Variants in UGDH observed in about 807,000 individuals in gnomAD.
UGDH encodes the protein UDP-glucose 6-dehydrogenase, also known as UDP-Glc dehydrogenase.
UGDH carries 38 observed loss-of-function variants against 50.6 expected under a neutral mutation model. The observed-to-expected ratio is 0.75, with a 90% CI of 0.58 to 0.98. The LOEUF (loss-of-function observed/expected upper bound fraction) is 0.98. UGDH is among the 50% of genes least tolerant of loss of function. The pLI, the probability that UGDH is intolerant of heterozygous loss-of-function variation, is 0.00. For missense variants in UGDH, 465 were observed against 606.2 expected, an observed-to-expected ratio of 0.77 and a Z score of 2.45; for synonymous variants, 168 against 199.9, an observed-to-expected ratio of 0.84 and a Z score of 1.35.
chr4:39,515,815 G>A (rs372104521), intron 2 of UGDH, among the ~76,000 whole-genome samples: 10 of 151,974 alleles, frequency 6.6e-5, no homozygotes, highest in East Asian at 1.9e-4. Flanking sequence ...TTCTCGTGCC[G>A]CAAACTCCCA....
At chr4:39,514,285 G>A in intron 2 of UGDH, 101 bp from the exon 3 acceptor site, 1 of 960,110 alleles carries the variant, frequency 1.0e-6, no homozygotes, top group Non-Finnish European at 1.6e-6. Context: ...TGGTAATATT[G>A]TAATTTAAAG....
rs1373738864 is a variant in UGDH at position 39,500,183 on chromosome 4, A to C, written c.1445T>G (p.Phe482Cys). 1 of 1,605,474 alleles carries C rather than the reference A, an allele frequency of 6.2e-7. No homozygotes were observed. Among genetic ancestry groups the C allele is most frequent in the Non-Finnish European group, 8.5e-7 (1 of 1,175,172 alleles). ...CTTGTTAGGTGGATCTTGAAGACTA[A>C]ACTTCGGAATTTCACCAGAAGGAGC... Reference protein sequence around the residue: ...PYAPSGEIPKFSLQDPPNKKP... With the variant: ...PYAPSGEIPKCSLQDPPNKKP... Residue 482 changes from phenylalanine to cysteine, a missense_variant, in exon 12 of 12, where the codon TTT becomes TGT. By Grantham distance (205) the Phe-to-Cys change is radical. Coordinates refer to ENST00000316423, the MANE Select transcript of UGDH (RefSeq NM_003359.4).
intron 1 of UGDH, among the ~76,000 whole-genome samples, chr4:39,523,489 C>G (rs1482227554): frequency 6.6e-6 from 1 of 152,104 alleles, no homozygotes; most frequent in African/African-American, 2.4e-5. Context: ...TATTCTTAGC[C>G]ATATGAAATA....
intron 1 of UGDH, among the ~76,000 whole-genome samples, chr4:39,524,548 G>C (rs1374661578): frequency 6.6e-6 from 1 of 151,574 alleles, no homozygotes; most frequent in Non-Finnish European, 1.5e-5. Context: ...TGTTGCCCAG[G>C]CTGGAGTGCA....
rs1746915240 is a variant in UGDH at position 39,526,781 on chromosome 4, T to C, written c.-8+502A>G. 2.0e-5 allele frequency among the ~76,000 whole-genome samples: 3 copies of C among 152,086 alleles called. No individual in the cohort carries two copies. In the South Asian group the frequency reaches 6.2e-4, roughly 32 times the overall value. The stretch of plus-strand genomic sequence containing the variant: ...GATTCCAGGACATCCCGGACAGATA[T>C]CACGGCAGTCTTAGTATTTTGCTCT... On this transcript the variant is annotated intron_variant, in intron 1 of 11. Coordinates refer to ENST00000316423, the MANE Select transcript of UGDH (RefSeq NM_003359.4).
chr4:39,509,465 G>A (rs1746146333), intron 6 of UGDH, among the ~76,000 whole-genome samples: 1 of 152,152 alleles, frequency 6.6e-6, no homozygotes, highest in South Asian at 2.1e-4. Context: ...ACAAGTTGTG[G>A]GCTGGATTTG....
chr4:39,512,819 ATT>A (rs386399849), intron 3 of UGDH, among the ~76,000 whole-genome samples: 40 of 135,838 alleles, frequency 2.9e-4, no homozygotes, highest in Non-Finnish European at 2.7e-4. Context: ...AAGAGACTGA[ATT>A]TTTTTTTTTT....
chr4:39,503,652 G>C lies in UGDH; in HGVS notation c.1374+223C>G, dbSNP rs567324933. The stretch of plus-strand genomic sequence containing the variant: ...AAAACCCACACAATGGGTTTAAAAA[G>C]CAAATGAGCACTTTCCTAATTGTTG... On this transcript the variant is annotated intron_variant, in intron 11 of 11. Coordinates refer to ENST00000316423, the MANE Select transcript of UGDH (RefSeq NM_003359.4). 3.3e-5 allele frequency among the ~76,000 whole-genome samples: 5 copies of C among 152,300 alleles called. No individual in the cohort carries two copies. The South Asian group carries it at 1.0e-3, about 32-fold the overall frequency.
At chr4:39,522,157 A>AT (rs1176355239) in intron 1 of UGDH, among the ~76,000 whole-genome samples, 1 of 152,294 alleles carries the variant, frequency 6.6e-6, no homozygotes, top group East Asian at 1.9e-4. Flanking sequence ...TGTTACACAG[A>AT]TTTTTTTCCT....
At chr4:39,507,883 C>A (rs1023890399) in intron 7 of UGDH, among the ~76,000 whole-genome samples, 1 of 145,812 alleles carries the variant, frequency 6.9e-6, no homozygotes, top group Non-Finnish European at 1.5e-5. Context: ...GAGGTCACTG[C>A]AGTGAGCAGC....
In UGDH at chr4:39,505,520, A is replaced by G. The variant is rs1237366933; in HGVS notation, c.1037+98T>C. 3.5e-6 allele frequency: 4 copies of G among 1,152,010 alleles called. No homozygotes were observed. In the African/African-American group the frequency reaches 4.8e-5, roughly 14 times the overall value. 71.4% of individuals were successfully genotyped at this position (1,152,010 alleles called of 1,614,324 possible). ...TATTTTTATTCTTTATATTTTATAT[A>G]TATACATGTATTTTATGTACACCTA... On this transcript the variant is annotated intron_variant, in intron 8 of 11. Transcript: ENST00000316423.
At chr4:39,505,444 C>T (rs1342653609) in intron 8 of UGDH, 74 bp from the exon 9 acceptor site, 7 of 1,296,388 alleles carry the variant, frequency 5.4e-6, no homozygotes, top group Non-Finnish European at 1.0e-6. Context: ...GTTTAAGATA[C>T]AGGTAAAATT....
At chr4:39,510,896 C>G (rs776239196) in intron 3 of UGDH, 35 bp from the exon 4 acceptor site, 1 of 1,608,930 alleles carries the variant, frequency 6.2e-7, no homozygotes, top group South Asian at 1.1e-5. Context: ...AACAGAGTGC[C>G]TGTGAGATAG....
At chr4:39,518,212 T>C (rs2109940698) in intron 2 of UGDH, among the ~76,000 whole-genome samples, 1 of 152,326 alleles carries the variant, frequency 6.6e-6, no homozygotes, top group East Asian at 1.9e-4. Context: ...ATTACAGGCG[T>C]GAACCACCGC....
intron 5 of UGDH, 55 bp downstream of exon 5, chr4:39,510,298 A>C (rs1403021872): frequency 6.4e-7 from 1 of 1,566,432 alleles, no homozygotes; most frequent in Non-Finnish European, 8.8e-7. Flanking sequence ...ATCAGGCTTG[A>C]AATAAATAAA....
chr4:39,519,783 G>C (rs574854732), intron 2 of UGDH, among the ~76,000 whole-genome samples: 1 of 151,910 alleles, frequency 6.6e-6, no homozygotes, highest in African/African-American at 2.4e-5. Context: ...CAGGTAATCC[G>C]CCTGCCTTGG....
rs1489326462 is a variant in UGDH at position 39,505,386 on chromosome 4, A to G, written c.1038-16T>C. ...AGAAGATTCTCTATAGGAAAAAAAA[A>G]ATCAGTATTGGTAAGCTTTATGTGG... On this transcript the variant is annotated splice_polypyrimidine_tract_variant and intron_variant, in intron 8 of 11. Transcript: ENST00000316423. 1 of 1,504,524 alleles carries G rather than the reference A, an allele frequency of 6.6e-7. No individual in the cohort carries two copies. The highest frequency in any genetic ancestry group is 8.9e-7 in the Non-Finnish European group (1 of 1,125,246). The allele number at this position is 1,504,524 out of a possible 1,614,324, so 93.2% of individuals were successfully genotyped here.
At position 39,510,993 on chromosome 4, in the gene UGDH, T is replaced by C. The variant is rs572711649; in HGVS notation, c.265-132A>G. ...CTGATTTAATCCTCTGTTAGTTCCA[T>C]AGAAATAATACATTTTATAAATATA... On this transcript the variant is annotated intron_variant, in intron 3 of 11. Coordinates refer to ENST00000316423, the MANE Select transcript of UGDH (RefSeq NM_003359.4). The C allele has an allele frequency of 3.4e-5, 25 of 739,858 alleles. No individual in the cohort carries two copies. In the South Asian group the frequency reaches 3.5e-4, roughly 10 times the overall value. 45.8% of individuals were successfully genotyped at this position (739,858 alleles called of 1,614,324 possible).
At chr4:39,516,039 C>A (rs570964217) in intron 2 of UGDH, among the ~76,000 whole-genome samples, 2 of 152,326 alleles carry the variant, frequency 1.3e-5, no homozygotes, top group African/African-American at 2.4e-5. Context: ...AAACTGGTTT[C>A]TTCAACCAAT....
Sources: allele counts gnomAD v4.1 joint callset (sites outside exome capture counted in the v4.1 genomes callset), GRCh38; gene constraint gnomAD v4.1.1; transcripts MANE v1.5; gene names NCBI Gene and HGNC (gene_info 2026-07-23, HGNC 2026-07-21).